The following DCC variants were observed in gnomAD, a reference collection of about 807,000 sequenced individuals.
DCC encodes the protein netrin receptor DCC.
A neutral mutation model predicts 172.5 loss-of-function variants in DCC; 58 were observed. The ratio of observed to expected loss-of-function variants is 0.34; its 90% CI spans 0.27 to 0.42. DCC has a LOEUF of 0.42. DCC is among the 10% of genes least tolerant of loss of function. The pLI, the probability that DCC is intolerant of heterozygous loss-of-function variation, is 1.00. For synonymous variants in DCC, 709 were observed against 644.5 expected (o/e 1.10, Z -1.52); for missense variants, 1,740 against 1,791.0 (o/e 0.97, Z 0.51).
At chr18:53,113,193 A>G (rs1208352849) in intron 7 of DCC, among the ~76,000 whole-genome samples, 1 of 151,564 alleles carries the variant, frequency 6.6e-6, no homozygotes, top group African/African-American at 2.4e-5. Context: ...AAGTTGATGT[A>G]TATTTTATTG....
chr18:53,027,678 T>C (rs1022501655), intron 5 of DCC, among the ~76,000 whole-genome samples: 4 of 152,178 alleles, frequency 2.6e-5, no homozygotes, highest in African/African-American at 9.6e-5. Context: ...TTTTCTCTCT[T>C]CTTTTTCTGT....
At chr18:53,388,701 C>T (rs1908340084) in intron 16 of DCC, among the ~76,000 whole-genome samples, 1 of 152,222 alleles carries the variant, frequency 6.6e-6, no homozygotes, top group South Asian at 2.1e-4. Flanking sequence ...ACTAATAAAA[C>T]ACGCTGTTTC....
At chr18:53,303,817 C>T (rs2057168491) in intron 12 of DCC, among the ~76,000 whole-genome samples, 2 of 152,298 alleles carry the variant, frequency 1.3e-5, no homozygotes, top group East Asian at 3.9e-4. Context: ...CAGCTCAGTG[C>T]CTTCTTGGTA....
At chr18:52,475,024 A>G (rs1341795120) in intron 1 of DCC, among the ~76,000 whole-genome samples, 3 of 152,228 alleles carry the variant, frequency 2.0e-5, no homozygotes, top group Non-Finnish European at 2.9e-5. Flanking sequence ...CAGATAAGTT[A>G]TGTGAGAACT....
intron 1 of DCC, among the ~76,000 whole-genome samples, chr18:52,656,398 G>A (rs558780974): frequency 7.9e-5 from 12 of 152,010 alleles, no homozygotes; most frequent in South Asian, 4.2e-4. Context: ...CATTCAATCC[G>A]CCACCACCTT....
chr18:52,737,261 A>T (rs959945029), intron 1 of DCC, among the ~76,000 whole-genome samples: 4 of 152,100 alleles, frequency 2.6e-5, no homozygotes, highest in African/African-American at 9.7e-5. Context: ...AATAGTGGTT[A>T]AACAACTCCA....
At chr18:53,494,107 GT>G (rs2045990868) in intron 26 of DCC, among the ~76,000 whole-genome samples, 1 of 152,164 alleles carries the variant, frequency 6.6e-6, no homozygotes. Flanking sequence ...TCAGGAGCAG[GT>G]TGTTCAGTTT....
chr18:52,418,436 G>A (rs1568161360), intron 1 of DCC, among the ~76,000 whole-genome samples: 1 of 152,110 alleles, frequency 6.6e-6, no homozygotes, highest in Non-Finnish European at 1.5e-5. Context: ...AGGCAGGGTG[G>A]CTTTTCCCTC....
chr18:52,774,898 G>A (rs1387936597), intron 2 of DCC, among the ~76,000 whole-genome samples: 1 of 152,168 alleles, frequency 6.6e-6, no homozygotes, highest in Non-Finnish European at 1.5e-5. Context: ...TAACATTGCT[G>A]TAGCCTGTAC....
intron 7 of DCC, among the ~76,000 whole-genome samples, chr18:53,082,120 G>A (rs945880552): frequency 6.6e-6 from 1 of 152,018 alleles, no homozygotes; most frequent in African/African-American, 2.4e-5. Flanking sequence ...AGCTTCAATG[G>A]GGGCTTTCAC....
intron 1 of DCC, among the ~76,000 whole-genome samples, chr18:52,731,192 T>A (rs963698686): frequency 7.2e-5 from 11 of 152,216 alleles, no homozygotes; most frequent in African/African-American, 9.7e-5. Flanking sequence ...GCTTGTCCTA[T>A]CCTAGACACT....
At chr18:52,715,911 T>C (rs939145632) in intron 1 of DCC, among the ~76,000 whole-genome samples, 1 of 142,898 alleles carries the variant, frequency 7.0e-6, no homozygotes, top group African/African-American at 2.4e-5. Flanking sequence ...GTTCTCCTTC[T>C]ATCTGAGTTC....
At chr18:53,300,481 C>T (rs2144769580) in intron 12 of DCC, among the ~76,000 whole-genome samples, 1 of 152,200 alleles carries the variant, frequency 6.6e-6, no homozygotes, top group Non-Finnish European at 1.5e-5. Flanking sequence ...AAGCACTGTC[C>T]AGTGTTCCTA....
At chr18:53,014,093 A>G (rs966848496) in intron 5 of DCC, among the ~76,000 whole-genome samples, 1 of 152,104 alleles carries the variant, frequency 6.6e-6, no homozygotes, top group Non-Finnish European at 1.5e-5. Flanking sequence ...GTCCTTAACA[A>G]TATATTATTT....
At position 53,367,789 on chromosome 18, in the gene DCC, A is replaced by C. The variant is rs533201824; in HGVS notation, c.2360-18254A>C. ...ATGATATAATATTTACCTTTTTGCA[A>C]CTGGCTTATTTCACTTAGCATAAGG... is the stretch of plus-strand genomic sequence containing the variant. On this transcript the variant is annotated intron_variant, in intron 15 of 28. Transcript: ENST00000442544. Among the ~76,000 whole-genome samples, 16 of 152,210 alleles carry C rather than the reference A, an allele frequency of 1.1e-4. No individual in the cohort carries two copies. The East Asian group carries it at 2.7e-3, about 26-fold the overall frequency.
At chr18:53,172,164 T>G (rs2055023597) in intron 8 of DCC, among the ~76,000 whole-genome samples, 1 of 152,152 alleles carries the variant, frequency 6.6e-6, no homozygotes, top group South Asian at 2.1e-4. Context: ...AATCACTCCC[T>G]TTGCAGCAAC....
At chr18:53,380,505 C>T (rs753602563) in intron 15 of DCC, among the ~76,000 whole-genome samples, 12 of 151,994 alleles carry the variant, frequency 7.9e-5, no homozygotes, top group Non-Finnish European at 1.0e-4. Context: ...TTATCAGGAC[C>T]GGAACAAAAT....
chr18:52,561,154 G>C (rs892021808), intron 1 of DCC, among the ~76,000 whole-genome samples: 1 of 151,692 alleles, frequency 6.6e-6, no homozygotes, highest in African/African-American at 2.4e-5. Context: ...AAATGTACAG[G>C]TATTATATAG....
At chr18:52,714,263 T>C (rs1489753874) in intron 1 of DCC, among the ~76,000 whole-genome samples, 1 of 152,196 alleles carries the variant, frequency 6.6e-6, no homozygotes, top group East Asian at 1.9e-4. Context: ...CAAACTTTCA[T>C]AGCAAATACA....
Sources: allele counts gnomAD v4.1 joint callset (sites outside exome capture counted in the v4.1 genomes callset), GRCh38; gene constraint gnomAD v4.1.1; transcripts MANE v1.5; gene names NCBI Gene and HGNC (gene_info 2026-07-23, HGNC 2026-07-21).